Variants in TRAPPC9 observed in about 807,000 individuals in gnomAD.
TRAPPC9 encodes the protein IKK2 binding protein.
A neutral mutation model predicts 124.0 loss-of-function variants in TRAPPC9; 83 were observed. The ratio of observed to expected loss-of-function variants is 0.67; its 90% CI spans 0.56 to 0.80. The LOEUF (loss-of-function observed/expected upper bound fraction) is 0.80. Ranked by LOEUF, TRAPPC9 falls within the 30% of genes least tolerant of loss-of-function variation. The pLI, the probability that TRAPPC9 is intolerant of heterozygous loss-of-function variation, is 0.00. For missense variants in TRAPPC9, 1,302 were observed against 1,508.3 expected (o/e 0.86, Z 2.27); for synonymous variants, 638 against 617.5 (o/e 1.03, Z -0.49).
At position 139,732,105 on chromosome 8, in the gene TRAPPC9, G is replaced by A. The variant is rs1440508175; in HGVS notation, c.3153C>T (p.Ser1051=). Residue 1051 remains serine (S), a synonymous_variant, in exon 22 of 23, where the codon AGC becomes AGT. Transcript: ENST00000438773. ...GGGCGAAGGGCCCTACGCTGCGCGG[G>A]CTCCGGTTGGTCAGCCGCACCTCCA... ...VRLEVRLTNR[S]PRSVGPFALT... 2 of 1,606,482 alleles carry A rather than the reference G, an allele frequency of 1.2e-6. No individual in the cohort carries two copies. The highest frequency in any genetic ancestry group is 1.7e-6 in the Non-Finnish European group (2 of 1,177,024).
chr8:140,114,252 G>A (rs945822613), intron 17 of TRAPPC9, among the ~76,000 whole-genome samples: 7 of 143,612 alleles, frequency 4.9e-5, no homozygotes, highest in African/African-American at 1.8e-4. Context: ...CCACCCCCAG[G>A]CCATATATCC....
At chr8:140,310,649 T>A (rs1042368696) in intron 10 of TRAPPC9, among the ~76,000 whole-genome samples, 9 of 151,970 alleles carry the variant, frequency 5.9e-5, no homozygotes, top group African/African-American at 2.2e-4. Flanking sequence ...TGGCAGCAAA[T>A]CCTGGGAGAG....
At chr8:140,267,232 G>A (rs569704419) in intron 15 of TRAPPC9, among the ~76,000 whole-genome samples, 1 of 152,218 alleles carries the variant, frequency 6.6e-6, no homozygotes, top group Non-Finnish European at 1.5e-5. Flanking sequence ...AGGGATGGAA[G>A]GAAAAGGAAA....
intron 21 of TRAPPC9, among the ~76,000 whole-genome samples, chr8:139,760,584 C>A (rs551239336): frequency 6.6e-6 from 1 of 152,216 alleles, no homozygotes. Flanking sequence ...GAGAATCCTA[C>A]GAAGTCGGTT....
chr8:140,418,054 C>T (rs1481158796), intron 5 of TRAPPC9, among the ~76,000 whole-genome samples: 7 of 152,020 alleles, frequency 4.6e-5, no homozygotes, highest in African/African-American at 1.4e-4. Context: ...CACACCAGGG[C>T]CTGTCAGGGA....
intron 15 of TRAPPC9, among the ~76,000 whole-genome samples, chr8:140,256,652 G>A (rs1221110961): frequency 6.6e-6 from 1 of 152,148 alleles, no homozygotes; most frequent in Non-Finnish European, 1.5e-5. Flanking sequence ...CGACACATCT[G>A]TGGGCAGCTG....
chr8:139,786,682 A>G (rs964054285), intron 21 of TRAPPC9, among the ~76,000 whole-genome samples: 4 of 152,208 alleles, frequency 2.6e-5, no homozygotes, highest in African/African-American at 9.6e-5. Flanking sequence ...AAGTGAGTGG[A>G]TCAGAACTGT....
At chr8:140,388,372 T>TAA (rs752164773) in intron 7 of TRAPPC9, among the ~76,000 whole-genome samples, 1,516 of 129,100 alleles carry the variant, frequency 0.012, 29 homozygotes, top group African/African-American at 0.038. Context: ...GAACTTACAG[T>TAA]AAAAAAAAAA....
At chr8:139,928,204 G>A (rs775865351) in intron 19 of TRAPPC9, among the ~76,000 whole-genome samples, 3 of 151,930 alleles carry the variant, frequency 2.0e-5, no homozygotes, top group Admixed American at 6.6e-5. Flanking sequence ...GAAACACCTC[G>A]GTTTGGGTTG....
At chr8:140,128,277 A>T (rs1194074171) in intron 17 of TRAPPC9, among the ~76,000 whole-genome samples, 1 of 152,240 alleles carries the variant, frequency 6.6e-6, no homozygotes, top group Non-Finnish European at 1.5e-5. Context: ...GGAGCAAAGA[A>T]AAAAAGAAAA....
rs113390783 is a variant in TRAPPC9, at chr8:140,391,629, T to C, written c.1134+5991A>G. On this transcript the variant is annotated intron_variant, in intron 7 of 22. Transcript: ENST00000438773. Reference sequence around the variant, plus strand: ...CAGGAGGCTGAGGCAGGAGAATCGCTTGAACCCAGGAGGCAGAGGTTGTGG... The same window carrying C: ...CAGGAGGCTGAGGCAGGAGAATCGCCTGAACCCAGGAGGCAGAGGTTGTGG... Among the ~76,000 whole-genome samples, 1,329 of 151,424 alleles carry C rather than the reference T, an allele frequency of 8.8e-3. 22 individuals carry two copies. The highest frequency in any genetic ancestry group is 0.015 in the Non-Finnish European group (1,026 of 67,882).
upstream of TRAPPC9, chr8:140,458,419 C>G (rs938804948): frequency 5.0e-6 from 8 of 1,591,662 alleles, no homozygotes; most frequent in Non-Finnish European, 6.8e-6. Flanking sequence ...ACGGTCGTGC[C>G]CCCCACGTGG....
chr8:139,893,807 A>C (rs540811709), intron 20 of TRAPPC9, among the ~76,000 whole-genome samples: 16 of 152,294 alleles, frequency 1.1e-4, no homozygotes, highest in African/African-American at 3.1e-4. Context: ...ACCGTCTAAC[A>C]TGTGAGGGGA....
chr8:140,259,552 T>A (rs1371186211), intron 15 of TRAPPC9, among the ~76,000 whole-genome samples: 2 of 152,204 alleles, frequency 1.3e-5, no homozygotes, highest in African/African-American at 4.8e-5. Flanking sequence ...TACTCATCTA[T>A]AAAATGGGTC....
At chr8:140,234,453 C>T (rs749349464) in intron 16 of TRAPPC9, among the ~76,000 whole-genome samples, 2 of 152,204 alleles carry the variant, frequency 1.3e-5, no homozygotes, top group African/African-American at 4.8e-5. Flanking sequence ...CCACCCTGGA[C>T]GCTGAGCTCC....
intron 19 of TRAPPC9, among the ~76,000 whole-genome samples, chr8:139,983,311 T>C (rs1837031452): frequency 6.6e-6 from 1 of 152,118 alleles, no homozygotes; most frequent in Non-Finnish European, 1.5e-5. Context: ...TGAGAAATAA[T>C]TTTCGGTTGT....
intron 19 of TRAPPC9, among the ~76,000 whole-genome samples, chr8:139,934,765 G>A (rs1388044139): frequency 2.6e-5 from 4 of 152,162 alleles, no homozygotes; most frequent in Admixed American, 6.5e-5. Flanking sequence ...AGGGTTCCTC[G>A]GTCAGTGTTC....
rs550302591 is a variant in TRAPPC9, at chr8:140,104,117, C to A, written c.2557-80038G>T. On this transcript the variant is annotated intron_variant, in intron 17 of 22. Coordinates refer to ENST00000438773, the MANE Select transcript of TRAPPC9 (RefSeq NM_001160372.4). This position sits in a 1 kb window ranked among gnomAD's most constrained non-coding sequence, Gnocchi z 4.0. The stretch of plus-strand genomic sequence containing the variant: ...TGGGTACCAAGCATTGTACCATATG[C>A]CAGGCTGGAGATGCAGGGATGAAAC... 4.6e-5 allele frequency among the ~76,000 whole-genome samples: 7 copies of A among 152,284 alleles called. No homozygotes were observed. In the South Asian group the frequency reaches 1.5e-3, roughly 32 times the overall value.
intron 19 of TRAPPC9, among the ~76,000 whole-genome samples, chr8:139,965,850 A>T (rs1460726965): frequency 6.6e-6 from 1 of 152,278 alleles, no homozygotes; most frequent in Non-Finnish European, 1.5e-5. Context: ...TGGAAATAAA[A>T]GAATTTCCTT....
Sources: gnomAD v4.1 joint callset for allele counts (sites outside exome capture counted in the v4.1 genomes callset) on GRCh38, gnomAD v4.1.1 for gene constraint, Gnocchi (gnomAD v3.1) non-coding constraint, MANE v1.5 for transcripts, NCBI Gene and HGNC (gene_info 2026-07-23, HGNC 2026-07-21) for gene names.